Variants in XPO6 observed in about 807,000 individuals in gnomAD.
The protein encoded by XPO6 is exportin 6, also known as exportin-6.
In XPO6, 3 loss-of-function variants were observed where a neutral mutation model predicts 130.0. The ratio of observed to expected loss-of-function variants is 0.02; its 90% CI spans 0.01 to 0.06. The LOEUF is 0.06. Ranked by LOEUF, XPO6 falls within the 10% of genes least tolerant of loss-of-function variation. The pLI, the probability that XPO6 is intolerant of heterozygous loss-of-function variation, is 1.00. For synonymous variants in XPO6, 524 were observed against 548.9 expected (o/e 0.95, Z 0.63); for missense variants, 970 against 1,393.0 (o/e 0.70, Z 4.83).
At chr16:28,165,179 T>C (rs943646494) in intron 6 of XPO6, 5 of 152,210 alleles carry the variant, frequency 3.3e-5, no homozygotes, top group African/African-American at 1.2e-4. Flanking sequence ...ATCACACCAC[T>C]GCACTCCAGT....
rs1056650024 is a variant in XPO6, at chr16:28,098,301, A to G, written c.*237T>C. 2 of 446,714 alleles carry G rather than the reference A, an allele frequency of 4.5e-6. No individual in the cohort carries two copies. The highest frequency in any genetic ancestry group is 4.0e-5 in the African/African-American group (2 of 50,068). The allele number at this position is 446,714 out of a possible 1,614,324, so 27.7% of individuals were successfully genotyped here. A position where few individuals can be genotyped will look rare whatever the true frequency, so the allele number is the denominator to read the frequency against. ...CTGGTGCCTCCTAGTACCTGGCCAC[A>G]CACCCCTCCGCCTGCTCCAACGCCC... On this transcript the variant is annotated 3_prime_UTR_variant, in exon 24 of 24. Transcript: ENST00000304658.
At chr16:28,193,268 G>A (rs1189072154) in intron 1 of XPO6, among the ~76,000 whole-genome samples, 9 of 152,124 alleles carry the variant, frequency 5.9e-5, no homozygotes. Context: ...TGCCGGGGTG[G>A]CAGCTGCTGG....
At chr16:28,109,328 A>G (rs201445952) in intron 17 of XPO6, among the ~76,000 whole-genome samples, 1 of 151,002 alleles carries the variant, frequency 6.6e-6, no homozygotes, top group East Asian at 1.9e-4. Flanking sequence ...TTTCAAGAAG[A>G]AAGAGGCAAT....
intron 1 of XPO6, among the ~76,000 whole-genome samples, chr16:28,183,078 C>T (rs907488765): frequency 2.0e-5 from 3 of 152,196 alleles, no homozygotes; most frequent in African/African-American, 7.2e-5. Context: ...GTAGATCCTG[C>T]AGCAAACTTG....
At chr16:28,122,140 T>C (rs1338237798) in intron 13 of XPO6, among the ~76,000 whole-genome samples, 1 of 152,120 alleles carries the variant, frequency 6.6e-6, no homozygotes, top group Non-Finnish European at 1.5e-5. Flanking sequence ...ACATCGTGAA[T>C]GTTCATCTAT....
intron 1 of XPO6, among the ~76,000 whole-genome samples, chr16:28,204,161 G>T (rs936834712): frequency 6.6e-6 from 1 of 152,008 alleles, no homozygotes; most frequent in Non-Finnish European, 1.5e-5. Flanking sequence ...AGACTCTTGG[G>T]ATACATGAAC....
chr16:28,100,154 A>AT (rs996169167), intron 23 of XPO6, among the ~76,000 whole-genome samples: 62 of 152,076 alleles, frequency 4.1e-4, no homozygotes, highest in Admixed American at 3.6e-3. Context: ...CACCTGACTA[A>AT]TTTTTTTTAT....
Position 28,132,400 on chromosome 16 carries a change from G to C in XPO6, c.1540C>G (p.Pro514Ala). 6.3e-7 allele frequency: 1 copy of C among 1,598,362 alleles called. No homozygotes were observed. The highest frequency in any genetic ancestry group is 8.5e-7 in the Non-Finnish European group (1 of 1,172,156). Residue 514 changes from proline to alanine, a missense_variant, in exon 12 of 24, where the codon CCT (proline) becomes GCT (alanine). By Grantham distance (27) the Pro-to-Ala change is conservative. This residue lies in a region of XPO6 where 936 missense variants were observed against 1,306.8 expected (regional missense o/e 0.72). Coordinates refer to ENST00000304658, the MANE Select transcript of XPO6 (RefSeq NM_015171.4). The surrounding 1 kb of genome is among the most constrained non-coding windows in gnomAD (Gnocchi z 4.0). ...ACTTCTAAATTGTCCTGAAGAACAG[G>C]GAACTGAAAACAAAGAAACAAAAAC... ...LPTHAFSTLFPVLQDNLEVYL... is the reference protein window; with the variant it reads ...LPTHAFSTLFAVLQDNLEVYL...
chr16:28,207,655 C>T (rs7194691), intron 1 of XPO6, among the ~76,000 whole-genome samples: 43,593 of 152,104 alleles, frequency 0.29, 6,359 homozygotes, highest in Middle Eastern at 0.33. Context: ...AGGTGGAAGA[C>T]TCTCCTGATC....
chr16:28,194,785 T>C (rs2043833582), intron 1 of XPO6, among the ~76,000 whole-genome samples: 1 of 151,934 alleles, frequency 6.6e-6, no homozygotes, highest in African/African-American at 2.4e-5. Context: ...CCGCCCAGGG[T>C]CTTTGCTACC....
intron 17 of XPO6, among the ~76,000 whole-genome samples, chr16:28,107,909 G>A (rs771385506): frequency 6.6e-6 from 1 of 152,106 alleles, no homozygotes; most frequent in Non-Finnish European, 1.5e-5. Context: ...GTGTGTTGGG[G>A]AGAAGATGCC....
intron 13 of XPO6, among the ~76,000 whole-genome samples, chr16:28,122,134 C>T (rs1040646615): frequency 2.0e-5 from 3 of 151,986 alleles, no homozygotes; most frequent in African/African-American, 4.8e-5. Context: ...CAGAATACAT[C>T]GTGAATGTTC....
At chr16:28,137,259 G>A (rs561964021) in intron 9 of XPO6, among the ~76,000 whole-genome samples, 28 of 152,348 alleles carry the variant, frequency 1.8e-4, no homozygotes, top group African/African-American at 6.7e-4. Flanking sequence ...CAGGGACCAA[G>A]CAGTGATCTT....
At chr16:28,155,898 C>G in intron 7 of XPO6, 176 bp downstream of exon 7, 4 of 1,380,264 alleles carry the variant, frequency 2.9e-6, no homozygotes, top group Non-Finnish European at 3.7e-6. Context: ...CTTCCCTTAA[C>G]CACCCAAGCC....
At chr16:28,166,004 T>A (rs1302766534) in intron 6 of XPO6, among the ~76,000 whole-genome samples, 2 of 152,212 alleles carry the variant, frequency 1.3e-5, no homozygotes, top group Non-Finnish European at 2.9e-5. Flanking sequence ...TGCCCCGCTT[T>A]ACCAAATGAC....
intron 1 of XPO6, among the ~76,000 whole-genome samples, chr16:28,194,063 C>CCT (rs762895492): frequency 6.6e-6 from 1 of 152,088 alleles, no homozygotes; most frequent in Non-Finnish European, 1.5e-5. Context: ...AATTACCTAA[C>CCT]CTCTCGGAGC....
At chr16:28,163,847 G>A (rs1405546810) in intron 6 of XPO6, among the ~76,000 whole-genome samples, 2 of 152,188 alleles carry the variant, frequency 1.3e-5, no homozygotes. Flanking sequence ...AGGGGTTCAT[G>A]TCCCCACTCT....
intron 1 of XPO6, among the ~76,000 whole-genome samples, chr16:28,210,545 G>C (rs1163855600): frequency 6.6e-6 from 1 of 152,188 alleles, no homozygotes; most frequent in Non-Finnish European, 1.5e-5. Flanking sequence ...ATAATTACAA[G>C]AGCAAAAAGG....
intron 8 of XPO6, among the ~76,000 whole-genome samples, chr16:28,151,313 A>C (rs1340994705): frequency 2.0e-5 from 3 of 152,214 alleles, no homozygotes; most frequent in Admixed American, 2.0e-4. Flanking sequence ...GTTCACTGCA[A>C]GATCAGTAAG....
Sources: allele counts gnomAD v4.1 joint callset (sites outside exome capture counted in the v4.1 genomes callset), GRCh38; gene constraint gnomAD v4.1.1; regional missense constraint gnomAD v4.1.1; non-coding constraint Gnocchi (gnomAD v3.1); transcripts MANE v1.5; gene names NCBI Gene and HGNC (gene_info 2026-07-23, HGNC 2026-07-21).